The following LY96 variants were observed in gnomAD, a reference collection of about 807,000 sequenced individuals.
The protein encoded by LY96 is lymphocyte antigen 96.
LY96 carries 18 observed loss-of-function variants against 18.9 expected under a neutral mutation model. The observed-to-expected ratio is 0.95, with a 90% CI of 0.66 to 1.41. The LOEUF (loss-of-function observed/expected upper bound fraction) is 1.41, where lower values mean the gene tolerates loss of function less well. LY96 is among the 40% of genes most tolerant of loss of function. The pLI, the probability that LY96 is intolerant of heterozygous loss-of-function variation, is 0.00. For missense variants in LY96, 175 were observed against 182.4 expected (o/e 0.96, Z 0.23); for synonymous variants, 66 against 62.6 (o/e 1.06, Z -0.26).
chr8:74,064,914 G>T, the LY96 span, among the ~76,000 whole-genome samples: 1 of 152,204 alleles, frequency 6.6e-6, no homozygotes, highest in Non-Finnish European at 1.5e-5. Flanking sequence ...GTACATTAGT[G>T]TGAAGGATAA....
chr8:74,070,216 T>C, the LY96 span, among the ~76,000 whole-genome samples: 1 of 152,016 alleles, frequency 6.6e-6, no homozygotes, highest in Non-Finnish European at 1.5e-5. Flanking sequence ...CTCAGCCTCC[T>C]GAGTAGCTGG....
At chr8:74,072,809 G>A in the LY96 span, among the ~76,000 whole-genome samples, 1 of 152,328 alleles carries the variant, frequency 6.6e-6, no homozygotes, top group East Asian at 1.9e-4. Context: ...GAGGAGCCAC[G>A]CTCGGCACAG....
At chr8:74,034,705 G>A in the LY96 span, among the ~76,000 whole-genome samples, 1 of 152,180 alleles carries the variant, frequency 6.6e-6, no homozygotes, top group African/African-American at 2.4e-5. Flanking sequence ...TCCCTCATTT[G>A]GCATCACACT....
chr8:74,028,496 T>C (rs1052447910), intron 4 of LY96, among the ~76,000 whole-genome samples: 2 of 152,190 alleles, frequency 1.3e-5, no homozygotes, highest in African/African-American at 2.4e-5. Flanking sequence ...AAAAATCACA[T>C]AAATTACAGA....
At chr8:74,077,453 G>A in the LY96 span, among the ~76,000 whole-genome samples, 2 of 152,184 alleles carry the variant, frequency 1.3e-5, no homozygotes, top group African/African-American at 4.8e-5. Context: ...ACCGTCCTTT[G>A]TGAGTGATAT....
the LY96 span, among the ~76,000 whole-genome samples, chr8:74,045,994 C>T: frequency 6.6e-6 from 1 of 152,110 alleles, no homozygotes; most frequent in African/African-American, 2.4e-5. Flanking sequence ...ATGTCCAGAA[C>T]TAGGCTGGGC....
At chr8:74,010,398 C>T (rs1392770601) in intron 3 of LY96, among the ~76,000 whole-genome samples, 1 of 152,014 alleles carries the variant, frequency 6.6e-6, no homozygotes, top group Non-Finnish European at 1.5e-5. Context: ...TGACTTCTGC[C>T]TTTATGTTCC....
intron 3 of LY96, among the ~76,000 whole-genome samples, chr8:74,016,787 T>C (rs1816652139): frequency 6.6e-6 from 1 of 152,028 alleles, no homozygotes; most frequent in Admixed American, 6.6e-5. Flanking sequence ...TCCAGCAAAC[T>C]CCAACAGACC....
At chr8:74,069,248 T>C in the LY96 span, among the ~76,000 whole-genome samples, 1 of 152,240 alleles carries the variant, frequency 6.6e-6, no homozygotes, top group Non-Finnish European at 1.5e-5. Context: ...AAAAATGGTT[T>C]GTGTCTTTTG....
chr8:74,018,849 GA>G (rs1359877736), intron 3 of LY96, among the ~76,000 whole-genome samples: 3 of 152,146 alleles, frequency 2.0e-5, no homozygotes, highest in African/African-American at 7.2e-5. Flanking sequence ...AATGAAGGCA[GA>G]AATAAAGATA....
chr8:74,053,157 C>G, the LY96 span, among the ~76,000 whole-genome samples: 1 of 152,198 alleles, frequency 6.6e-6, no homozygotes, highest in Non-Finnish European at 1.5e-5. Flanking sequence ...GGAAGGTGGG[C>G]ATGAGCCCTG....
chr8:74,064,785 C>G, the LY96 span, among the ~76,000 whole-genome samples: 1 of 152,120 alleles, frequency 6.6e-6, no homozygotes, highest in Non-Finnish European at 1.5e-5. Flanking sequence ...ATGGTTAAGT[C>G]TCAAAAATGC....
At chr8:74,093,070 T>C in the LY96 span, among the ~76,000 whole-genome samples, 1 of 152,220 alleles carries the variant, frequency 6.6e-6, no homozygotes, top group Non-Finnish European at 1.5e-5. Context: ...ACTCTCCTCC[T>C]TGCTCTCTAC....
At chr8:74,047,081 T>C in the LY96 span, among the ~76,000 whole-genome samples, 1 of 152,140 alleles carries the variant, frequency 6.6e-6, no homozygotes, top group Non-Finnish European at 1.5e-5. Flanking sequence ...TTTGTATTTT[T>C]AGTTGAGACG....
chr8:74,008,116 A>C (rs1383240024), intron 2 of LY96, among the ~76,000 whole-genome samples: 5 of 152,208 alleles, frequency 3.3e-5, no homozygotes. Context: ...CTGCTGAGCC[A>C]CAAAAGTGGT....
chr8:73,994,725 A>C (rs1816086537), intron 1 of LY96, among the ~76,000 whole-genome samples: 4 of 152,150 alleles, frequency 2.6e-5, no homozygotes, highest in Admixed American at 6.5e-5. Context: ...GGTCTCAAGC[A>C]ATCTTCCTGC....
chr8:74,079,375 A>G, the LY96 span, among the ~76,000 whole-genome samples: 1 of 152,182 alleles, frequency 6.6e-6, no homozygotes, highest in Non-Finnish European at 1.5e-5. Flanking sequence ...GTATCTTACT[A>G]GGTCTATTTC....
At chr8:73,992,836 CTGTGTGTGTGTGTGTGTGTGTGTG>C (rs34327741) in intron 1 of LY96, among the ~76,000 whole-genome samples, 2 of 141,782 alleles carry the variant, frequency 1.4e-5, no homozygotes, top group Admixed American at 7.3e-5. Context: ...AATTATGCCA[CTGTGTGTGTGTGTGTGTGTGTGTG>C]TGTGTGTGTG....
the LY96 span, among the ~76,000 whole-genome samples, chr8:74,034,433 A>C: frequency 1.3e-5 from 2 of 152,254 alleles, no homozygotes; most frequent in South Asian, 2.1e-4. Context: ...GTTTCAAAGA[A>C]GTGTAACACT....
Sources: allele counts gnomAD v4.1 joint callset (sites outside exome capture counted in the v4.1 genomes callset), GRCh38; gene constraint gnomAD v4.1.1; transcripts MANE v1.5; gene names NCBI Gene and HGNC (gene_info 2026-07-23, HGNC 2026-07-21).